AK8: variants seen among roughly 807,000 people sequenced by gnomAD.
The protein encoded by AK8 is adenylate kinase 8, also known as ATP-AMP transphosphorylase 8.
In AK8, 44 loss-of-function variants were observed where a neutral mutation model predicts 54.6. The ratio of observed to expected loss-of-function variants is 0.81; its 90% CI spans 0.63 to 1.04. The LOEUF (loss-of-function observed/expected upper bound fraction) is 1.04, where lower values mean the gene tolerates loss of function less well. Among genes scored for constraint, AK8 ranks in the 50% least tolerant of loss-of-function variants. The pLI, the probability that AK8 is intolerant of heterozygous loss-of-function variation, is 0.00. For synonymous variants in AK8, 239 were observed against 245.6 expected, an observed-to-expected ratio of 0.97 and a Z score of 0.25; for missense variants, 555 against 613.6, an observed-to-expected ratio of 0.90 and a Z score of 1.01.
At position 132,779,862 on chromosome 9, in the gene AK8, T is replaced by G. The variant is rs1285403270; in HGVS notation, c.1121+12772A>C. On this transcript the variant is annotated intron_variant, in intron 11 of 12. Coordinates refer to ENST00000298545, the MANE Select transcript of AK8 (RefSeq NM_152572.3). Reference sequence around the variant, plus strand: ...TTGGGTTCAGGGCTGGCCCCTTCCATGGATCTTACCTGGCTATGTGGCCTG... The same window carrying G: ...TTGGGTTCAGGGCTGGCCCCTTCCAGGGATCTTACCTGGCTATGTGGCCTG... Among the ~76,000 whole-genome samples, 3 of 152,200 alleles carry G rather than the reference T, an allele frequency of 2.0e-5. No individual in the cohort carries two copies. The East Asian group carries it at 5.8e-4, about 29-fold the overall frequency.
chr9:132,771,568 C>T (rs887172028), intron 11 of AK8, among the ~76,000 whole-genome samples: 7 of 152,174 alleles, frequency 4.6e-5, no homozygotes, highest in African/African-American at 1.7e-4. Flanking sequence ...CCCAAGGTGT[C>T]ACTTGATTGA....
chr9:132,752,531 G>A (rs575573912), intron 11 of AK8, among the ~76,000 whole-genome samples: 2 of 152,326 alleles, frequency 1.3e-5, no homozygotes, highest in African/African-American at 4.8e-5. Flanking sequence ...TTACAGGCGT[G>A]AGCCACTGCA....
At chr9:132,789,370 G>T (rs1448621883) in intron 11 of AK8, among the ~76,000 whole-genome samples, 2 of 151,726 alleles carry the variant, frequency 1.3e-5, no homozygotes, top group Non-Finnish European at 2.9e-5. Context: ...GGCTGAGATG[G>T]GTGGATCACC....
chr9:132,875,284 C>T (rs1844044510), intron 1 of AK8, 85 bp from the exon 2 acceptor site: 7 of 1,547,650 alleles, frequency 4.5e-6, no homozygotes, highest in Middle Eastern at 2.2e-4. Context: ...GGCCTGCTCT[C>T]TCCACTGCAC....
At chr9:132,755,051 G>A (rs955069074) in intron 11 of AK8, among the ~76,000 whole-genome samples, 2 of 152,024 alleles carry the variant, frequency 1.3e-5, no homozygotes, top group South Asian at 2.1e-4. Context: ...TGCCCGCCTC[G>A]GCCTCCTAAA....
chr9:132,815,083 G>A (rs988724748), intron 9 of AK8, among the ~76,000 whole-genome samples: 1 of 152,254 alleles, frequency 6.6e-6, no homozygotes, highest in African/African-American at 2.4e-5. Flanking sequence ...GGGTGCTGCG[G>A]AGGATCAGCG....
At chr9:132,827,211 T>G in intron 7 of AK8, 157 bp from the exon 8 acceptor site, 1 of 679,986 alleles carries the variant, frequency 1.5e-6, no homozygotes, top group Middle Eastern at 4.2e-4. Flanking sequence ...ACACCAGCAC[T>G]TCCAGCTACT....
chr9:132,773,201 G>A (rs2131097069), intron 11 of AK8, among the ~76,000 whole-genome samples: 1 of 152,086 alleles, frequency 6.6e-6, no homozygotes, highest in East Asian at 1.9e-4. Context: ...CCTAACTCAG[G>A]GCCTTTGCAC....
chr9:132,764,315 C>T (rs1838623198), intron 11 of AK8, among the ~76,000 whole-genome samples: 1 of 151,634 alleles, frequency 6.6e-6, no homozygotes, highest in Non-Finnish European at 1.5e-5. Context: ...GTCTCAAAAA[C>T]ACAAAAACAA....
intron 11 of AK8, among the ~76,000 whole-genome samples, chr9:132,783,589 AAG>A (rs201101231): frequency 1.3e-5 from 2 of 151,900 alleles, no homozygotes; most frequent in Non-Finnish European, 2.9e-5. Context: ...AAAAAAAAAA[AAG>A]AGAGAGAGAC....
intron 10 of AK8, among the ~76,000 whole-genome samples, chr9:132,797,700 C>T (rs964557150): frequency 6.6e-6 from 1 of 152,142 alleles, no homozygotes; most frequent in South Asian, 2.1e-4. Flanking sequence ...ACGTTTTCCA[C>T]TAAAAATGTG....
chr9:132,815,998 T>A (rs946940323), intron 9 of AK8, among the ~76,000 whole-genome samples: 1 of 152,194 alleles, frequency 6.6e-6, no homozygotes. Context: ...ACAGCAGTTG[T>A]CATTTAATTT....
intron 11 of AK8, among the ~76,000 whole-genome samples, chr9:132,731,443 C>T (rs558930997): frequency 6.6e-6 from 1 of 152,254 alleles, no homozygotes; most frequent in South Asian, 2.1e-4. Context: ...GGTGGGGAAG[C>T]CCTGCCCTGC....
intron 11 of AK8, among the ~76,000 whole-genome samples, chr9:132,761,952 C>T (rs1838493355): frequency 1.3e-5 from 2 of 152,082 alleles, no homozygotes; most frequent in Non-Finnish European, 2.9e-5. Context: ...TCACTGCAAC[C>T]TTCACCTCCC....
intron 10 of AK8, among the ~76,000 whole-genome samples, chr9:132,800,011 G>A (rs1053251340): frequency 2.0e-5 from 3 of 152,196 alleles, no homozygotes; most frequent in Non-Finnish European, 2.9e-5. Flanking sequence ...GTTGCTTTTG[G>A]TTTTGTTTTT....
intron 10 of AK8, among the ~76,000 whole-genome samples, chr9:132,806,044 C>T (rs911043555): frequency 1.3e-5 from 2 of 151,352 alleles, no homozygotes; most frequent in South Asian, 2.1e-4. Context: ...GGAGGCAACG[C>T]GAAGGAAATC....
At chr9:132,738,710 G>A (rs1032420729) in intron 11 of AK8, among the ~76,000 whole-genome samples, 2 of 151,190 alleles carry the variant, frequency 1.3e-5, no homozygotes, top group Non-Finnish European at 2.9e-5. Context: ...TTGGTCATTG[G>A]TGGACACTAT....
intron 5 of AK8, 50 bp downstream of exon 5, chr9:132,854,807 A>G (rs748325501): frequency 6.3e-7 from 1 of 1,595,420 alleles, no homozygotes; most frequent in South Asian, 1.1e-5. Context: ...CACGCCCTTC[A>G]CCCTCCCCTT....
chr9:132,782,845 T>C (rs1190037379), intron 11 of AK8, among the ~76,000 whole-genome samples: 1 of 152,196 alleles, frequency 6.6e-6, no homozygotes, highest in Non-Finnish European at 1.5e-5. Flanking sequence ...TAAAACAGGA[T>C]GCTCAGGTTA....
Sources: allele counts gnomAD v4.1 joint callset (sites outside exome capture counted in the v4.1 genomes callset), GRCh38; gene constraint gnomAD v4.1.1; transcripts MANE v1.5; gene names NCBI Gene and HGNC (gene_info 2026-07-23, HGNC 2026-07-21).